Variants in SYN2 observed in about 807,000 individuals in gnomAD.
The protein encoded by SYN2 is synapsin-2.
In SYN2, 19 loss-of-function variants were observed where a neutral mutation model predicts 50.9. The ratio of observed to expected loss-of-function variants is 0.37; its 90% CI spans 0.26 to 0.55. SYN2 has a LOEUF of 0.55. Ranked by LOEUF, SYN2 falls within the 20% of genes least tolerant of loss-of-function variation. The pLI, the probability that SYN2 is intolerant of heterozygous loss-of-function variation, is 0.81. For missense variants in SYN2, 587 were observed against 576.4 expected (o/e 1.02, Z -0.19); for synonymous variants, 255 against 224.9 (o/e 1.13, Z -1.20).
At chr3:12,161,920 T>A (rs1324198189) in intron 6 of SYN2, 92 bp from the exon 7 acceptor site, 10 of 1,533,040 alleles carry the variant, frequency 6.5e-6, no homozygotes, top group Non-Finnish European at 8.8e-7. Flanking sequence ...GGATACATAT[T>A]GGTGGGTTTG....
intron 1 of SYN2, among the ~76,000 whole-genome samples, chr3:12,013,549 A>G (rs307562): frequency 0.73 from 111,296 of 151,986 alleles, 41,002 homozygotes; most frequent in Admixed American, 0.8. Context: ...GGTGGTTAAG[A>G]GTCGTTTGAT....
At chr3:12,165,961 T>C (rs78518024) in intron 7 of SYN2, among the ~76,000 whole-genome samples, 6,876 of 152,230 alleles carry the variant, frequency 0.045, 202 homozygotes, top group Non-Finnish European at 0.066. Context: ...GGACAAGTCC[T>C]CTAACCTTTC....
intron 5 of SYN2, among the ~76,000 whole-genome samples, chr3:12,158,030 A>G (rs747679605): frequency 1.6e-4 from 25 of 152,092 alleles, no homozygotes; most frequent in Non-Finnish European, 2.6e-4. Context: ...AGGCCCATAG[A>G]TGTGATTAAG....
chr3:12,091,768 C>T (rs962949176), intron 1 of SYN2, among the ~76,000 whole-genome samples: 2 of 152,216 alleles, frequency 1.3e-5, no homozygotes, highest in Admixed American at 1.3e-4. Context: ...TTGTTCCACA[C>T]TCAACATCTC....
intron 1 of SYN2, among the ~76,000 whole-genome samples, chr3:12,054,230 C>A (rs950612831): frequency 4.6e-5 from 7 of 152,086 alleles, no homozygotes; most frequent in African/African-American, 1.4e-4. Flanking sequence ...TCTGTTGATT[C>A]CCCCTTATGT....
At chr3:12,185,716 A>G in intron 11 of SYN2, 1 of 985,884 alleles carries the variant, frequency 1.0e-6, no homozygotes, top group Non-Finnish European at 1.2e-6. Context: ...ATAAAGGAAA[A>G]GTTATATCTG....
At chr3:12,158,670 C>A (rs565254389) in intron 5 of SYN2, 19 of 1,607,836 alleles carry the variant, frequency 1.2e-5, no homozygotes, top group Middle Eastern at 1.7e-4. Context: ...ACAACCACCC[C>A]CTGCTGTGGA....
chr3:12,139,361 C>T (rs983344449), intron 1 of SYN2, among the ~76,000 whole-genome samples: 2 of 152,152 alleles, frequency 1.3e-5, no homozygotes, highest in South Asian at 2.1e-4. Flanking sequence ...CAATGCGGCA[C>T]ACACAGGGCA....
intron 5 of SYN2, among the ~76,000 whole-genome samples, chr3:12,158,098 A>G (rs770699224): frequency 1.4e-4 from 21 of 150,992 alleles, no homozygotes; most frequent in Admixed American, 2.0e-4. Flanking sequence ...TGTAAAGAAC[A>G]ACAGCACAGC....
chr3:12,013,898 TAC>T (rs1222802092), intron 1 of SYN2, among the ~76,000 whole-genome samples: 1 of 152,216 alleles, frequency 6.6e-6, no homozygotes, highest in Non-Finnish European at 1.5e-5. Context: ...TGCACTTCCA[TAC>T]ACACATTGTT....
chr3:12,038,553 T>G (rs1169230729), intron 1 of SYN2, among the ~76,000 whole-genome samples: 1 of 152,172 alleles, frequency 6.6e-6, no homozygotes. Flanking sequence ...AACACAGATT[T>G]TTTTCATTTA....
At chr3:12,070,362 C>T (rs188111303) in intron 1 of SYN2, 6 of 516,332 alleles carry the variant, frequency 1.2e-5, no homozygotes, top group Non-Finnish European at 2.3e-5. Flanking sequence ...CGATGGTGGG[C>T]ATGGGTCAGA....
chr3:12,046,687 G>A (rs993152190), intron 1 of SYN2, among the ~76,000 whole-genome samples: 1 of 152,122 alleles, frequency 6.6e-6, no homozygotes, highest in Admixed American at 6.6e-5. Context: ...AGAGAAGATG[G>A]TGGCCTGGAC....
At chr3:12,149,161 C>T (rs1371582597) in intron 4 of SYN2, among the ~76,000 whole-genome samples, 1 of 152,154 alleles carries the variant, frequency 6.6e-6, no homozygotes, top group Non-Finnish European at 1.5e-5. Context: ...GTCCTGGCAT[C>T]TGTGTGGTGT....
intron 1 of SYN2, among the ~76,000 whole-genome samples, chr3:12,093,187 T>G (rs1413391576): frequency 6.6e-6 from 1 of 152,246 alleles, no homozygotes; most frequent in Non-Finnish European, 1.5e-5. Flanking sequence ...TCACATTTTT[T>G]GTTATAAAAA....
In SYN2 at chr3:12,161,292, G is replaced by A. The variant is rs556429256; in HGVS notation, c.775-254G>A. Among the ~76,000 whole-genome samples the A allele has an allele frequency of 2.6e-5, 4 of 152,252 alleles. 1 individual carries two copies. The South Asian group carries it at 6.2e-4, about 24-fold the overall frequency. ...GGTTTTGTCTAATGCAGAGAAAATT[G>A]ACAGTGCATTTTAAAGATGTAGGGT... is the stretch of plus-strand genomic sequence containing the variant. On this transcript the variant is annotated intron_variant, in intron 5 of 12. Coordinates refer to ENST00000621198, the MANE Select transcript of SYN2 (RefSeq NM_133625.6).
chr3:12,174,724 C>T (rs574716782), intron 10 of SYN2, among the ~76,000 whole-genome samples: 126 of 152,314 alleles, frequency 8.3e-4, no homozygotes, highest in Non-Finnish European at 1.5e-3. Context: ...TCATGATCCG[C>T]CCACCTTGGC....
chr3:12,158,874 C>A (rs1384202959), intron 5 of SYN2: 1 of 1,516,220 alleles, frequency 6.6e-7, no homozygotes, highest in Non-Finnish European at 8.8e-7. Context: ...CCTGTGAGGT[C>A]TGGGGGACTG....
intron 11 of SYN2, 193 bp downstream of exon 11, chr3:12,183,565 C>T: frequency 6.6e-7 from 1 of 1,509,410 alleles, no homozygotes; most frequent in Non-Finnish European, 8.8e-7. Context: ...GCTGACTGGA[C>T]TGTGTTTTTC....
Sources: gnomAD v4.1 joint callset for allele counts (sites outside exome capture counted in the v4.1 genomes callset) on GRCh38, gnomAD v4.1.1 for gene constraint, MANE v1.5 for transcripts, NCBI Gene and HGNC (gene_info 2026-07-23, HGNC 2026-07-21) for gene names.